The following MYCBP2 variants were observed in gnomAD, a reference collection of about 807,000 sequenced individuals.
MYCBP2 encodes the protein E3 ubiquitin-protein ligase MYCBP2.
A neutral mutation model predicts 525.3 loss-of-function variants in MYCBP2; 120 were observed. That is an observed-to-expected ratio of 0.23 (90% CI 0.20 to 0.27). The LOEUF (loss-of-function observed/expected upper bound fraction) is 0.27, where lower values mean the gene tolerates loss of function less well. Among genes scored for constraint, MYCBP2 ranks in the 10% least tolerant of loss-of-function variants. The probability of loss-of-function intolerance (pLI) is 1.00; values close to 1 mark genes in which losing one functional copy is unlikely to be tolerated. For missense variants in MYCBP2, 4,149 were observed against 5,657.1 expected (o/e 0.73, Z 8.55); for synonymous variants, 1,894 against 1,955.8 (o/e 0.97, Z 0.83).
In MYCBP2 at chr13:77,191,756, A is replaced by G. The variant is rs752734200; in HGVS notation, c.3993T>C (p.Tyr1331=). ...GTCCTGACACTCGGGCCCATGCCACATACCACCACCCAGCTTGCAGGAGAA... is the reference window on the plus strand; with the variant it reads ...GTCCTGACACTCGGGCCCATGCCACGTACCACCACCCAGCTTGCAGGAGAA... ...EPVLLQAGWW[Y]VAWARVSGPS... is the part of the protein sequence containing the mutation. The change falls in exon 28 of 83, where the codon TAT becomes TAC. Residue 1331 remains tyrosine, a synonymous_variant. Coordinates refer to ENST00000544440, the MANE Select transcript of MYCBP2 (RefSeq NM_015057.5). The G allele has an allele frequency of 6.2e-7, 1 of 1,614,156 alleles. No individual in the cohort carries two copies. Among genetic ancestry groups the G allele is most frequent in the Non-Finnish European group, 8.5e-7 (1 of 1,180,014 alleles).
At chr13:77,056,313 T>C (rs927856819) in intron 79 of MYCBP2, among the ~76,000 whole-genome samples, 3 of 152,200 alleles carry the variant, frequency 2.0e-5, no homozygotes, top group Admixed American at 6.5e-5. Flanking sequence ...TCAGTCTATC[T>C]AGACAATGAT....
Position 77,081,611 on chromosome 13 carries a change from A to G in MYCBP2, c.11234T>C (p.Ile3745Thr), listed in dbSNP as rs911427222. 1.2e-6 allele frequency: 2 copies of G among 1,613,592 alleles called. No homozygotes were observed. Among genetic ancestry groups the G allele is most frequent in the African/African-American group, 2.7e-5 (2 of 74,888 alleles). Reference sequence around the variant, plus strand: ...TCGGCTTGAAGTTTTTATGTCAACAATGCTGGTTAAGTCCTTTAAGCACAT... The same window carrying G: ...TCGGCTTGAAGTTTTTATGTCAACAGTGCTGGTTAAGTCCTTTAAGCACAT... ...IVMCLKDLTS[I>T]VDIKTSSRPA... The change falls in exon 65 of 83, where the codon ATT (isoleucine) becomes ACT (threonine). Residue 3745 changes from isoleucine to threonine, a missense_variant. Physicochemically the swap from Ile to Thr is moderately conservative, Grantham distance 89. Transcript: ENST00000544440. This position sits in a 1 kb window ranked among gnomAD's most constrained non-coding sequence, Gnocchi z 4.6.
intron 73 of MYCBP2, 53 bp from the exon 74 acceptor site, chr13:77,062,750 A>AATGCTGACTGTGACAC (rs1423980653): frequency 2.6e-5 from 37 of 1,399,882 alleles, no homozygotes; most frequent in African/African-American, 7.1e-5. Flanking sequence ...AGACTTATGA[A>AATGCTGACTGTGACAC]ATGCTGACTG....
rs761163773 is a variant in MYCBP2, at chr13:77,081,641, A to G, written c.11204T>C (p.Ile3735Thr). 1.9e-6 allele frequency: 3 copies of G among 1,608,818 alleles called. No homozygotes were observed. The East Asian group carries it at 6.7e-5, about 36-fold the overall frequency. ...GFEAMSQELC[I>T]VMCLKDLTSI... Reference sequence around the variant, plus strand: ...GGTTAAGTCCTTTAAGCACATTACTATGCATAATTCCTATCAGAAACAAAT... The same window carrying G: ...GGTTAAGTCCTTTAAGCACATTACTGTGCATAATTCCTATCAGAAACAAAT... The change falls in exon 65 of 83, where the codon ATA becomes ACA. Residue 3735 changes from isoleucine (I) to threonine (T), a missense_variant. By Grantham distance (89) the Ile-to-Thr change is moderately conservative (BLOSUM62 -1). Coordinates refer to ENST00000544440, the MANE Select transcript of MYCBP2 (RefSeq NM_015057.5). This position sits in a 1 kb window ranked among gnomAD's most constrained non-coding sequence, Gnocchi z 4.6.
chr13:77,232,068 C>G (rs1487844480), intron 18 of MYCBP2, among the ~76,000 whole-genome samples: 1 of 152,004 alleles, frequency 6.6e-6, no homozygotes, highest in East Asian at 1.9e-4. Flanking sequence ...CTATTTACAC[C>G]TTTACTAAAG....
chr13:77,092,365 T>C (rs1025432264), intron 59 of MYCBP2: 1 of 152,144 alleles, frequency 6.6e-6, no homozygotes, highest in Non-Finnish European at 1.5e-5. Context: ...CTTTAATCCA[T>C]ATGTCAGCTT....
intron 49 of MYCBP2, among the ~76,000 whole-genome samples, chr13:77,143,047 CTGA>C (rs1324564433): frequency 4.6e-5 from 7 of 152,198 alleles, no homozygotes; most frequent in Middle Eastern, 3.2e-3. Flanking sequence ...GAAATTCACA[CTGA>C]TAAGTACTAG....
Position 77,126,570 on chromosome 13 carries a change from A to G in MYCBP2, c.7660-28T>C, listed in dbSNP as rs776292348. The G allele has an allele frequency of 1.4e-5, 21 of 1,553,776 alleles. No individual in the cohort carries two copies. In the African/African-American group the frequency reaches 2.9e-4, roughly 21 times the overall value. Reference sequence around the variant, plus strand: ...GAAAATTTGAATAGGAAAGAAAAATAAACAAAATACAATCTATTATCACTT... The same window carrying G: ...GAAAATTTGAATAGGAAAGAAAAATGAACAAAATACAATCTATTATCACTT... On this transcript the variant is annotated intron_variant, in intron 52 of 82. Coordinates refer to ENST00000544440, the MANE Select transcript of MYCBP2 (RefSeq NM_015057.5).
chr13:77,264,298 C>T (rs1039154035), intron 8 of MYCBP2, among the ~76,000 whole-genome samples: 1 of 151,632 alleles, frequency 6.6e-6, no homozygotes, highest in Non-Finnish European at 1.5e-5. Context: ...CCACGATGAA[C>T]AAACTATAAT....
chr13:77,079,447 T>A (rs1255169891), intron 65 of MYCBP2, among the ~76,000 whole-genome samples: 1 of 152,154 alleles, frequency 6.6e-6, no homozygotes, highest in African/African-American at 2.4e-5. Context: ...TAGTGTCAAA[T>A]ATCTTAAGGC....
At chr13:77,107,307 A>G (rs2048003128) in intron 55 of MYCBP2, among the ~76,000 whole-genome samples, 1 of 152,214 alleles carries the variant, frequency 6.6e-6, no homozygotes, top group Admixed American at 6.6e-5. Context: ...AAACTAGTTT[A>G]TTGATTCTTA....
chr13:77,095,625 T>G (rs770503039), intron 57 of MYCBP2, 23 bp from the exon 58 acceptor site: 3 of 1,604,520 alleles, frequency 1.9e-6, no homozygotes, highest in Admixed American at 1.7e-5. Context: ...AAAATCAAAC[T>G]AATCTTTTCT....
At chr13:77,203,031 G>A (rs1320858177) in intron 26 of MYCBP2, among the ~76,000 whole-genome samples, 5 of 151,126 alleles carry the variant, frequency 3.3e-5, no homozygotes, top group African/African-American at 1.2e-4. Context: ...CATAGTGTTG[G>A]AAGTTCTGGC....
At chr13:77,236,497 A>G (rs189852704) in intron 17 of MYCBP2, among the ~76,000 whole-genome samples, 2 of 152,238 alleles carry the variant, frequency 1.3e-5, no homozygotes, top group Non-Finnish European at 2.9e-5. Context: ...CCTAAAGAAA[A>G]CTCTAAAATA....
chr13:77,271,864 C>T (rs1367348008), intron 5 of MYCBP2, among the ~76,000 whole-genome samples: 1 of 152,170 alleles, frequency 6.6e-6, no homozygotes, highest in African/African-American at 2.4e-5. Context: ...GCTTTTCTCC[C>T]TCTACCAACA....
intron 68 of MYCBP2, among the ~76,000 whole-genome samples, chr13:77,073,342 C>T (rs1451104338): frequency 6.6e-6 from 1 of 152,102 alleles, no homozygotes; most frequent in Non-Finnish European, 1.5e-5. Context: ...AGAATCCATT[C>T]TGATAGAAAT....
chr13:77,099,156 A>G (rs2046686977), intron 55 of MYCBP2, 143 bp from the exon 56 acceptor site: 3 of 1,086,098 alleles, frequency 2.8e-6, no homozygotes, highest in Non-Finnish European at 3.9e-6. Context: ...AGAATAAAGG[A>G]AAGAAGGGGG....
chr13:77,260,279 T>C, intron 13 of MYCBP2, 149 bp downstream of exon 13: 1 of 582,302 alleles, frequency 1.7e-6, no homozygotes, highest in Admixed American at 3.9e-5. Context: ...GACAGAAAAT[T>C]TCTCTTTCGA....
At chr13:77,082,255 T>A in intron 63 of MYCBP2, 3 of 323,692 alleles carry the variant, frequency 9.3e-6, no homozygotes, top group African/African-American at 2.1e-5. Context: ...AGATCAAGGC[T>A]ACAGAAGCAA....
Sources: allele counts gnomAD v4.1 joint callset (sites outside exome capture counted in the v4.1 genomes callset), GRCh38; gene constraint gnomAD v4.1.1; non-coding constraint Gnocchi (gnomAD v3.1); transcripts MANE v1.5; gene names NCBI Gene and HGNC (gene_info 2026-07-23, HGNC 2026-07-21).